The following TANC2 variants were observed in gnomAD, a reference collection of about 807,000 sequenced individuals.
The protein encoded by TANC2 is tetratricopeptide repeat, ankyrin repeat and coiled-coil containing 2, also known as protein TANC2.
TANC2 carries 26 observed loss-of-function variants against 210.5 expected under a neutral mutation model. The observed-to-expected ratio is 0.12, with a 90% CI of 0.09 to 0.17. The LOEUF (loss-of-function observed/expected upper bound fraction) is 0.17, where lower values mean the gene tolerates loss of function less well. Ranked by LOEUF, TANC2 falls within the 10% of genes least tolerant of loss-of-function variation. The probability of loss-of-function intolerance (pLI) is 1.00; values close to 1 mark genes in which losing one functional copy is unlikely to be tolerated. For missense variants in TANC2, 2,129 were observed against 2,608.9 expected (o/e 0.82, Z 4.01); for synonymous variants, 931 against 967.1 (o/e 0.96, Z 0.69).
At chr17:63,040,801 C>A (rs2035157059) in intron 2 of TANC2, among the ~76,000 whole-genome samples, 1 of 152,120 alleles carries the variant, frequency 6.6e-6, no homozygotes, top group East Asian at 1.9e-4. Context: ...GCTAAAAATG[C>A]TGCTGGTATA....
chr17:63,016,127 A>G (rs972733534), intron 2 of TANC2, among the ~76,000 whole-genome samples: 1 of 152,226 alleles, frequency 6.6e-6, no homozygotes, highest in African/African-American at 2.4e-5. Flanking sequence ...AAACACAGAT[A>G]ATTGCTGTAA....
At chr17:63,100,211 A>G (rs1238207031) in intron 4 of TANC2, among the ~76,000 whole-genome samples, 1 of 152,170 alleles carries the variant, frequency 6.6e-6, no homozygotes, top group African/African-American at 2.4e-5. Context: ...TTTGATTATC[A>G]TTATGACAAT....
At chr17:63,148,945 G>A (rs1299258565) in intron 4 of TANC2, 1 of 152,072 alleles carries the variant, frequency 6.6e-6, no homozygotes, top group African/African-American at 2.4e-5. Flanking sequence ...AGTTTTCTGT[G>A]ACTTGGATGA....
At chr17:63,111,707 T>G (rs1257838487) in intron 4 of TANC2, among the ~76,000 whole-genome samples, 1 of 152,188 alleles carries the variant, frequency 6.6e-6, no homozygotes, top group African/African-American at 2.4e-5. Context: ...TGTTTATGAT[T>G]GTATAAATTG....
chr17:63,138,471 T>A (rs1405073441), intron 4 of TANC2, among the ~76,000 whole-genome samples: 1 of 152,124 alleles, frequency 6.6e-6, no homozygotes, highest in Non-Finnish European at 1.5e-5. Context: ...ATGAAAACAT[T>A]GCTTTCTTTC....
chr17:63,127,964 C>T (rs1448936548), intron 4 of TANC2, among the ~76,000 whole-genome samples: 1 of 152,132 alleles, frequency 6.6e-6, no homozygotes, highest in Admixed American at 6.5e-5. Context: ...TTCTAATGCA[C>T]CTGGGTACTT....
chr17:63,389,510 G>A (rs1417374551), exon 17 of TANC2: 1 of 1,611,692 alleles, frequency 6.2e-7, no homozygotes, highest in Non-Finnish European at 8.5e-7. Flanking sequence ...GGGTACCTGA[G>A]CATTGTGGTG....
At chr17:63,301,915 A>G (rs2044731258) in intron 9 of TANC2, among the ~76,000 whole-genome samples, 1 of 152,166 alleles carries the variant, frequency 6.6e-6, no homozygotes, top group African/African-American at 2.4e-5. Flanking sequence ...GTGGGCATTT[A>G]GTGCTATAAA....
At chr17:63,263,718 C>T (rs1318931342) in intron 8 of TANC2, among the ~76,000 whole-genome samples, 3 of 152,182 alleles carry the variant, frequency 2.0e-5, no homozygotes, top group African/African-American at 7.2e-5. Context: ...TGAAACCATA[C>T]TTTACCCAAA....
At chr17:63,334,457 T>A (rs986648587) in intron 11 of TANC2, among the ~76,000 whole-genome samples, 7 of 149,798 alleles carry the variant, frequency 4.7e-5, no homozygotes, top group African/African-American at 1.8e-4. Flanking sequence ...ATTAAATCAA[T>A]AATAAATAAA....
intron 5 of TANC2, among the ~76,000 whole-genome samples, chr17:63,191,232 G>A (rs1002754746): frequency 6.6e-6 from 1 of 151,628 alleles, no homozygotes; most frequent in Admixed American, 6.6e-5. Flanking sequence ...TAAATGAAAT[G>A]GTTTGGAGGG....
chr17:63,112,269 A>G (rs1288163798), intron 4 of TANC2, among the ~76,000 whole-genome samples: 2 of 152,150 alleles, frequency 1.3e-5, no homozygotes, highest in Non-Finnish European at 2.9e-5. Context: ...CATGAAGTAG[A>G]TGCATAAGCA....
intron 7 of TANC2, among the ~76,000 whole-genome samples, chr17:63,202,802 CTATTA>C (rs2041578594): frequency 6.6e-6 from 1 of 152,022 alleles, no homozygotes. Flanking sequence ...TGCAGCCATA[CTATTA>C]TATTTATATA....
intron 1 of TANC2, among the ~76,000 whole-genome samples, chr17:62,989,655 TA>T (rs1192271083): frequency 6.6e-6 from 1 of 152,106 alleles, no homozygotes; most frequent in Non-Finnish European, 1.5e-5. Flanking sequence ...AAGAATTCTG[TA>T]ATATAACTTT....
chr17:63,150,554 C>T lies in TANC2; in HGVS notation c.323-716C>T, dbSNP rs1245995381. 3 of 152,102 alleles carry T rather than the reference C, an allele frequency of 2.0e-5. No individual in the cohort carries two copies. In the East Asian group the frequency reaches 5.8e-4, roughly 29 times the overall value. 9.4% of individuals were successfully genotyped at this position (152,102 alleles called of 1,614,324 possible). On this transcript the variant is annotated intron_variant, in intron 4 of 27. Coordinates refer to ENST00000689528, the Ensembl canonical transcript of TANC2. ...GCATGAGATATTAATATTCCATAGGCATCATGATTAAATTGGTAACTAAAT... is the reference window on the plus strand; with the variant it reads ...GCATGAGATATTAATATTCCATAGGTATCATGATTAAATTGGTAACTAAAT...
intron 5 of TANC2, among the ~76,000 whole-genome samples, chr17:63,170,650 C>CTCTAAAA (rs1205670193): frequency 1.3e-5 from 2 of 152,070 alleles, no homozygotes; most frequent in Non-Finnish European, 2.9e-5. Context: ...GTAGACTGTG[C>CTCTAAAA]TCTAAAAGAC....
At chr17:63,263,019 CTTATTTCT>C (rs2043415520) in intron 8 of TANC2, among the ~76,000 whole-genome samples, 1 of 152,060 alleles carries the variant, frequency 6.6e-6, no homozygotes, top group Non-Finnish European at 1.5e-5. Flanking sequence ...CTTTCAAATA[CTTATTTCT>C]TTATAGAAAT....
chr17:63,356,121 A>G (rs1288245834), intron 14 of TANC2, among the ~76,000 whole-genome samples: 1 of 151,844 alleles, frequency 6.6e-6, no homozygotes, highest in African/African-American at 2.4e-5. Context: ...TCACTGATTT[A>G]CCCCAGCACT....
intron 1 of TANC2, among the ~76,000 whole-genome samples, chr17:63,005,725 T>C (rs1374005472): frequency 2.6e-5 from 4 of 152,134 alleles, no homozygotes; most frequent in Non-Finnish European, 5.9e-5. Flanking sequence ...CACTTCTCTT[T>C]TCTTATAATA....
Sources: gnomAD v4.1 joint callset for allele counts (sites outside exome capture counted in the v4.1 genomes callset) on GRCh38, gnomAD v4.1.1 for gene constraint, MANE v1.5 for transcripts, NCBI Gene and HGNC (gene_info 2026-07-23, HGNC 2026-07-21) for gene names.